Variants in SLC22A16 observed in about 807,000 individuals in gnomAD.
SLC22A16 encodes the protein solute carrier family 22 member 16.
In SLC22A16, 53 loss-of-function variants were observed where a neutral mutation model predicts 52.9. The observed-to-expected ratio is 1.00, with a 90% CI of 0.80 to 1.26. The LOEUF (loss-of-function observed/expected upper bound fraction) is 1.26. Ranked by LOEUF, SLC22A16 falls within the 50% of genes most tolerant of loss-of-function variation. The probability of loss-of-function intolerance (pLI) is 0.00; values close to 1 mark genes in which losing one functional copy is unlikely to be tolerated. For missense variants in SLC22A16, 726 were observed against 704.0 expected (o/e 1.03, Z -0.35); for synonymous variants, 291 against 268.8 (o/e 1.08, Z -0.81).
intron 6 of SLC22A16, among the ~76,000 whole-genome samples, chr6:110,433,166 A>T (rs1158776829): frequency 6.6e-6 from 1 of 152,208 alleles, no homozygotes; most frequent in Admixed American, 6.5e-5. Context: ...ACTCTCAGAC[A>T]ACTGGGCTAA....
At chr6:110,452,189 T>C (rs1775411506) in intron 2 of SLC22A16, among the ~76,000 whole-genome samples, 2 of 152,232 alleles carry the variant, frequency 1.3e-5, no homozygotes, top group Admixed American at 6.5e-5. Flanking sequence ...GAGGGCCTTC[T>C]TCACTTTTTG....
chr6:110,427,134 G>C (rs891678008), intron 7 of SLC22A16, among the ~76,000 whole-genome samples: 2 of 151,288 alleles, frequency 1.3e-5, no homozygotes, highest in African/African-American at 2.4e-5. Flanking sequence ...TGTGGTCCCA[G>C]CTACTTGGGA....
At chr6:110,431,308 C>T (rs190658131) in intron 6 of SLC22A16, 38 bp from the exon 7 acceptor site, 2 of 1,572,524 alleles carry the variant, frequency 1.3e-6, no homozygotes, top group African/African-American at 2.7e-5. Flanking sequence ...AAGTAAGGCA[C>T]AAGTGACCCA....
At chr6:110,435,831 C>A in intron 6 of SLC22A16, 21 bp downstream of exon 6, 7 of 1,515,090 alleles carry the variant, frequency 4.6e-6, no homozygotes, top group East Asian at 2.3e-5. Context: ...GGAAAACAAC[C>A]AGAAAACAAT....
At chr6:110,431,305 G>A in intron 6 of SLC22A16, 35 bp from the exon 7 acceptor site, 1 of 1,580,554 alleles carries the variant, frequency 6.3e-7, no homozygotes, top group South Asian at 1.1e-5. Context: ...GACAAGTAAG[G>A]CACAAGTGAC....
chr6:110,427,885 C>G (rs776653665), intron 7 of SLC22A16, among the ~76,000 whole-genome samples: 1 of 152,204 alleles, frequency 6.6e-6, no homozygotes, highest in Non-Finnish European at 1.5e-5. Flanking sequence ...CCCTTCTCTT[C>G]GGGACTGGTG....
At chr6:110,445,771 G>T (rs1204329902) in intron 3 of SLC22A16, among the ~76,000 whole-genome samples, 2 of 152,166 alleles carry the variant, frequency 1.3e-5, no homozygotes, top group Non-Finnish European at 2.9e-5. Flanking sequence ...CCTTTGTGGA[G>T]CCTTCAGTCC....
At chr6:110,459,476 G>A (rs1775786691) in intron 1 of SLC22A16, among the ~76,000 whole-genome samples, 1 of 152,142 alleles carries the variant, frequency 6.6e-6, no homozygotes, top group Non-Finnish European at 1.5e-5. Flanking sequence ...GTCATCTACA[G>A]GTTACCTGGC....
intron 5 of SLC22A16, 45 bp downstream of exon 5, chr6:110,438,675 A>G: frequency 6.3e-7 from 1 of 1,577,000 alleles, no homozygotes; most frequent in Non-Finnish European, 8.6e-7. Context: ...TTCCCATCAA[A>G]CTGTCACAGT....
intron 2 of SLC22A16, among the ~76,000 whole-genome samples, chr6:110,449,357 C>T (rs1241625478): frequency 6.6e-6 from 1 of 151,994 alleles, no homozygotes. Flanking sequence ...TGATTTCATC[C>T]ACTTCCCTGG....
At chr6:110,471,685 C>T (rs1337450080) in intron 1 of SLC22A16, among the ~76,000 whole-genome samples, 1 of 152,124 alleles carries the variant, frequency 6.6e-6, no homozygotes, top group Non-Finnish European at 1.5e-5. Context: ...CAGTAGTGAG[C>T]TTGGGGGACA....
chr6:110,456,017 C>G (rs2114988204), intron 2 of SLC22A16: 1 of 152,640 alleles, frequency 6.6e-6, no homozygotes, highest in South Asian at 2.1e-4. Flanking sequence ...ATTACCCAGT[C>G]TGTGGTATTT....
chr6:110,447,055 C>G, intron 2 of SLC22A16, 65 bp from the exon 3 acceptor site: 1 of 1,279,386 alleles, frequency 7.8e-7, no homozygotes, highest in Non-Finnish European at 1.1e-6. Context: ...AACATCCACT[C>G]CAATTCATAA....
intron 5 of SLC22A16, among the ~76,000 whole-genome samples, chr6:110,436,451 C>T (rs1774733448): frequency 1.3e-5 from 2 of 152,148 alleles, no homozygotes; most frequent in Admixed American, 1.3e-4. Flanking sequence ...ATAGCAAGAC[C>T]CCATTTCTAC....
At chr6:110,427,466 AAAT>A (rs1424477556) in intron 7 of SLC22A16, among the ~76,000 whole-genome samples, 1 of 152,190 alleles carries the variant, frequency 6.6e-6, no homozygotes, top group Non-Finnish European at 1.5e-5. Context: ...GGATGAAATT[AAAT>A]ATTACGCAAA....
At chr6:110,459,852 G>A (rs182179044) in intron 1 of SLC22A16, among the ~76,000 whole-genome samples, 1 of 151,958 alleles carries the variant, frequency 6.6e-6, no homozygotes, top group Admixed American at 6.6e-5. Flanking sequence ...CAAACCAACA[G>A]TGACATATTT....
At chr6:110,458,481 A>C (rs1055317274) in intron 1 of SLC22A16, among the ~76,000 whole-genome samples, 3 of 152,246 alleles carry the variant, frequency 2.0e-5, no homozygotes, top group Non-Finnish European at 4.4e-5. Flanking sequence ...TTGGAAGCTG[A>C]AACAATTTGA....
chr6:110,425,523 A>G (rs575415288), intron 7 of SLC22A16: 3 of 595,972 alleles, frequency 5.0e-6, no homozygotes, highest in Admixed American at 3.6e-5. Context: ...CCCAATAATC[A>G]GTACACTATC....
Position 110,468,645 on chromosome 6 carries a change from C to CAAA in SLC22A16, c.53+7874_53+7876dup, listed in dbSNP as rs769660816. 3.4e-3 allele frequency among the ~76,000 whole-genome samples: 292 copies of CAAA among 86,866 alleles called. 1 individual carries two copies. The highest frequency in any genetic ancestry group is 0.011 in the African/African-American group (278 of 24,738). The allele number at this position is 86,866 out of a possible 152,430, so 57.0% of individuals were successfully genotyped here. On this transcript the variant is annotated intron_variant, in intron 1 of 7. Transcript: ENST00000368919. ...TGGGTAAGCGAGCGAGGCTCTGTCT[C>CAAA]AAAAAAAAAAAAAACAAAATGGAGA...
Sources: allele counts gnomAD v4.1 joint callset (sites outside exome capture counted in the v4.1 genomes callset), GRCh38; gene constraint gnomAD v4.1.1; transcripts MANE v1.5; gene names NCBI Gene and HGNC (gene_info 2026-07-23, HGNC 2026-07-21).